Variants in CLYBL observed in about 807,000 individuals in gnomAD.
CLYBL encodes citramalyl-CoA lyase.
In CLYBL, 31 loss-of-function variants were observed where a neutral mutation model predicts 38.9. That is an observed-to-expected ratio of 0.80 (90% CI 0.60 to 1.08). The LOEUF is 1.08. Ranked by LOEUF, CLYBL falls within the 50% of genes least tolerant of loss-of-function variation. CLYBL has a pLI of 0.00. For synonymous variants in CLYBL, 171 were observed against 158.6 expected (o/e 1.08, Z -0.59); for missense variants, 434 against 411.6 (o/e 1.05, Z -0.47).
downstream of CLYBL, chr13:99,893,266 G>GGCA (rs1183457438): frequency 6.6e-6 from 1 of 152,488 alleles, no homozygotes; most frequent in Non-Finnish European, 1.5e-5. Context: ...CCCCAGACGG[G>GGCA]GCAGCAGCAG....
chr13:99,824,908 C>A (rs1379800142), intron 2 of CLYBL, among the ~76,000 whole-genome samples: 1 of 152,028 alleles, frequency 6.6e-6, no homozygotes, highest in Non-Finnish European at 1.5e-5. Context: ...CAGTTTTTCA[C>A]TTTATGGAAT....
chr13:99,652,225 C>G (rs537616947), intron 1 of CLYBL, among the ~76,000 whole-genome samples: 3 of 152,294 alleles, frequency 2.0e-5, no homozygotes, highest in African/African-American at 7.2e-5. Flanking sequence ...TGATGATAAT[C>G]CCAGCACACT....
intron 3 of CLYBL, among the ~76,000 whole-genome samples, chr13:99,860,781 C>T (rs780893460): frequency 2.3e-4 from 35 of 152,196 alleles, no homozygotes; most frequent in Non-Finnish European, 4.6e-4. Flanking sequence ...TGTATTTATG[C>T]GAAGCATAAA....
intron 2 of CLYBL, among the ~76,000 whole-genome samples, chr13:99,855,253 C>T (rs556298586): frequency 1.3e-5 from 2 of 152,338 alleles, no homozygotes; most frequent in South Asian, 2.1e-4. Flanking sequence ...TCTCAAACCT[C>T]ATTTTAAACA....
intron 2 of CLYBL, among the ~76,000 whole-genome samples, chr13:99,800,922 G>C (rs1468190142): frequency 1.4e-5 from 2 of 145,802 alleles, no homozygotes; most frequent in African/African-American, 2.5e-5. Context: ...AAAAAAAAAC[G>C]TAATTGGGTT....
chr13:99,704,616 T>G (rs1037439355), intron 1 of CLYBL, among the ~76,000 whole-genome samples: 3 of 152,224 alleles, frequency 2.0e-5, no homozygotes, highest in African/African-American at 7.2e-5. Context: ...TTGAGTACTT[T>G]CTATGAGCCA....
At chr13:99,765,829 G>A (rs2049258459) in intron 1 of CLYBL, among the ~76,000 whole-genome samples, 1 of 150,548 alleles carries the variant, frequency 6.6e-6, no homozygotes, top group African/African-American at 2.4e-5. Context: ...ACAGGCATGA[G>A]CCACTGCACC....
chr13:99,629,955 T>A (rs1333706997), intron 1 of CLYBL, among the ~76,000 whole-genome samples: 1 of 152,184 alleles, frequency 6.6e-6, no homozygotes, highest in African/African-American at 2.4e-5. Context: ...CTAATGGACC[T>A]GTTCAGTCAC....
At chr13:99,765,736 G>C (rs9582341) in intron 1 of CLYBL, among the ~76,000 whole-genome samples, 3 of 151,864 alleles carry the variant, frequency 2.0e-5, no homozygotes, top group Non-Finnish European at 4.4e-5. Context: ...CTAGAGACAG[G>C]GTTTTGCCAT....
chr13:99,734,221 C>G (rs2048632941), intron 1 of CLYBL, among the ~76,000 whole-genome samples: 1 of 152,078 alleles, frequency 6.6e-6, no homozygotes, highest in Non-Finnish European at 1.5e-5. Context: ...TCTTCCCCTC[C>G]CCTGTGATCA....
intron 2 of CLYBL, among the ~76,000 whole-genome samples, chr13:99,792,647 C>A (rs979924012): frequency 1.2e-4 from 18 of 150,778 alleles, no homozygotes; most frequent in African/African-American, 4.1e-4. Context: ...CCTGCCAAGG[C>A]CTAAAAGAAG....
At chr13:99,870,522 A>G (rs1455156253) in intron 6 of CLYBL, among the ~76,000 whole-genome samples, 1 of 152,212 alleles carries the variant, frequency 6.6e-6, no homozygotes, top group African/African-American at 2.4e-5. Context: ...AAAGCAAAAG[A>G]CACCTTATAA....
intron 7 of CLYBL, among the ~76,000 whole-genome samples, chr13:99,882,317 C>T (rs1397974601): frequency 6.6e-6 from 1 of 152,104 alleles, no homozygotes; most frequent in Non-Finnish European, 1.5e-5. Flanking sequence ...ACCTGTAAAA[C>T]TAAATAATCA....
rs187059777 is a variant in CLYBL at position 99,779,659 on chromosome 13, A to G, written c.249+6649A>G. Among the ~76,000 whole-genome samples the G allele has an allele frequency of 2.0e-5, 3 of 152,258 alleles. No individual in the cohort carries two copies. The East Asian group carries it at 5.8e-4, about 29-fold the overall frequency. On this transcript the variant is annotated intron_variant, in intron 2 of 8. Transcript: ENST00000339105. The stretch of plus-strand genomic sequence containing the variant: ...GTGCTACAGAAGTTTCTAAACTGTT[A>G]CTCTCCAAGGTTGCACTTAATCATA...
intron 1 of CLYBL, among the ~76,000 whole-genome samples, chr13:99,713,632 G>A (rs2048268984): frequency 1.3e-5 from 2 of 151,942 alleles, no homozygotes; most frequent in African/African-American, 2.4e-5. Context: ...GAGCCACCAT[G>A]TCTGGCCTCA....
chr13:99,689,635 AAGACTT>A (rs1353704381), intron 1 of CLYBL, among the ~76,000 whole-genome samples: 1 of 152,212 alleles, frequency 6.6e-6, no homozygotes, highest in Admixed American at 6.5e-5. Flanking sequence ...AATTGCAAGT[AAGACTT>A]AGGACTGTGT....
intron 2 of CLYBL, among the ~76,000 whole-genome samples, chr13:99,801,108 G>T (rs1053350507): frequency 5.3e-5 from 8 of 152,118 alleles, no homozygotes; most frequent in Non-Finnish European, 1.2e-4. Flanking sequence ...CCTTAGTATA[G>T]GCCTTGAGCT....
chr13:99,724,201 G>A (rs1448128009), intron 1 of CLYBL, among the ~76,000 whole-genome samples: 3 of 152,100 alleles, frequency 2.0e-5, no homozygotes, highest in African/African-American at 4.8e-5. Context: ...TAGTACAATG[G>A]GGCTGAATGT....
intron 9 of CLYBL, among the ~76,000 whole-genome samples, chr13:99,907,599 T>G (rs898715047): frequency 6.6e-6 from 1 of 152,218 alleles, no homozygotes; most frequent in African/African-American, 2.4e-5. Flanking sequence ...GGGTCACACC[T>G]GTAATCCCAG....
Sources: allele counts gnomAD v4.1 joint callset (sites outside exome capture counted in the v4.1 genomes callset), GRCh38; gene constraint gnomAD v4.1.1; transcripts MANE v1.5; gene names NCBI Gene and HGNC (gene_info 2026-07-23, HGNC 2026-07-21).